The following DMXL2 variants were observed in gnomAD, a reference collection of about 807,000 sequenced individuals.
DMXL2 encodes the protein Dmx like 2, also known as dmX-like protein 2.
DMXL2 carries 103 observed loss-of-function variants against 331.1 expected under a neutral mutation model. The ratio of observed to expected loss-of-function variants is 0.31; its 90% CI spans 0.27 to 0.37. DMXL2 has a LOEUF of 0.37. Ranked by LOEUF, DMXL2 falls within the 10% of genes least tolerant of loss-of-function variation. The probability of loss-of-function intolerance (pLI) is 1.00; values close to 1 mark genes in which losing one functional copy is unlikely to be tolerated. For missense variants in DMXL2, 3,171 were observed against 3,642.9 expected (o/e 0.87, Z 3.33); for synonymous variants, 1,281 against 1,252.1 (o/e 1.02, Z -0.49).
At chr15:51,567,116 C>T (rs7170330) in intron 3 of DMXL2, 71,264 of 148,532 alleles carry the variant, frequency 0.48, 17,339 homozygotes, top group Non-Finnish European at 0.52. Flanking sequence ...AGTCCAGGAT[C>T]ACTGCAACCT....
intron 7 of DMXL2, among the ~76,000 whole-genome samples, chr15:51,546,313 C>CA (rs1299277916): frequency 6.6e-6 from 1 of 151,966 alleles, no homozygotes; most frequent in Non-Finnish European, 1.5e-5. Flanking sequence ...TACAAAGGAA[C>CA]AAAAAAATCA....
intron 1 of DMXL2, among the ~76,000 whole-genome samples, chr15:51,614,953 G>GA (rs1216574830): frequency 6.6e-6 from 1 of 152,178 alleles, no homozygotes; most frequent in Non-Finnish European, 1.5e-5. Context: ...TTATCCAGGG[G>GA]AAAAAAATGA....
At chr15:51,505,679 T>C (rs537425932) in intron 16 of DMXL2, among the ~76,000 whole-genome samples, 1 of 152,348 alleles carries the variant, frequency 6.6e-6, no homozygotes, top group Admixed American at 6.5e-5. Flanking sequence ...GTCACATAAT[T>C]TGGCTTTTCT....
At chr15:51,466,340 A>T (rs2040566668) in intron 29 of DMXL2, 29 bp from the exon 30 acceptor site, 2 of 1,055,982 alleles carry the variant, frequency 1.9e-6, no homozygotes, top group African/African-American at 1.7e-5. Flanking sequence ...TTATTTTTTT[A>T]AAGATTATAA....
At chr15:51,614,471 C>T (rs1456492587) in intron 1 of DMXL2, among the ~76,000 whole-genome samples, 2 of 152,180 alleles carry the variant, frequency 1.3e-5, no homozygotes, top group African/African-American at 4.8e-5. Context: ...CCTGTCAATT[C>T]CTCCTGATAC....
chr15:51,504,031 C>T (rs2043875922), intron 16 of DMXL2, among the ~76,000 whole-genome samples: 1 of 152,006 alleles, frequency 6.6e-6, no homozygotes, highest in Non-Finnish European at 1.5e-5. Context: ...ACCCCTTATA[C>T]AGTCCAGTGC....
intron 6 of DMXL2, among the ~76,000 whole-genome samples, chr15:51,551,198 A>C (rs1388293475): frequency 6.6e-6 from 1 of 152,106 alleles, no homozygotes; most frequent in East Asian, 1.9e-4. Flanking sequence ...ATATTCTCAA[A>C]AATGTGAGAA....
At chr15:51,528,812 C>A (rs1320862489) in intron 13 of DMXL2, among the ~76,000 whole-genome samples, 1 of 151,542 alleles carries the variant, frequency 6.6e-6, no homozygotes, top group African/African-American at 2.4e-5. Context: ...AATATACATT[C>A]TTTTCCTCAG....
Position 51,449,110 on chromosome 15 carries a change from A to T in DMXL2, c.9051T>A (p.Ala3017=). 6.2e-7 allele frequency: 1 copy of T among 1,614,238 alleles called. No individual in the cohort carries two copies. Among genetic ancestry groups the T allele is most frequent in the Non-Finnish European group, 8.5e-7 (1 of 1,180,042 alleles). Residue 3017 remains alanine (A), a synonymous_variant, in exon 44 of 44, where the codon GCT becomes GCA. Transcript: ENST00000560891. ...GGATGATGTCAATCTGCATGACTCCAGCCCCAATGTTTCGAAATATGGACT... is the reference window on the plus strand; with the variant it reads ...GGATGATGTCAATCTGCATGACTCCTGCCCCAATGTTTCGAAATATGGACT... The part of the protein sequence containing the change: ...AKQSIFRNIG[A]GVMQIDIIQG...
Position 51,535,702 on chromosome 15 carries a change from T to G in DMXL2, c.2397A>C (p.Ala799=). 1 of 1,607,566 alleles carries G rather than the reference T, an allele frequency of 6.2e-7. No individual in the cohort carries two copies. The highest frequency in any genetic ancestry group is 1.3e-5 in the African/African-American group (1 of 74,684). Residue 799 remains alanine (A), a synonymous_variant, in exon 13 of 44, where the codon GCA becomes GCC. Coordinates refer to ENST00000560891, the MANE Select transcript of DMXL2 (RefSeq NM_001378457.1). Reference sequence around the variant, plus strand: ...CTGACAATTCATCTAATAATTTCCTTGCATCCACTACAGCTTGATAGAGTC... The same window carrying G: ...CTGACAATTCATCTAATAATTTCCTGGCATCCACTACAGCTTGATAGAGTC... ...NLRLYQAVVD[A]RKLLDELSDP...
intron 17 of DMXL2, among the ~76,000 whole-genome samples, chr15:51,502,560 TGATCCACCC>T (rs2043746189): frequency 6.6e-6 from 1 of 152,096 alleles, no homozygotes; most frequent in Admixed American, 6.6e-5. Context: ...TGACCTCAAG[TGATCCACCC>T]ACCTCAGCCT....
At chr15:51,513,762 G>T (rs2046886077) in intron 15 of DMXL2, among the ~76,000 whole-genome samples, 1 of 151,996 alleles carries the variant, frequency 6.6e-6, no homozygotes, top group Non-Finnish European at 1.5e-5. Context: ...TAAAGACATG[G>T]CTTTTCAAAT....
At position 51,564,277 on chromosome 15, in the gene DMXL2, G is replaced by A; in HGVS notation, c.365-17C>T. ...ATCTATTATCTGAAAATTAAAGAAT[G>A]TTATGATGAATATGCAAATATTATA... On this transcript the variant is annotated splice_polypyrimidine_tract_variant and intron_variant, in intron 4 of 43. Transcript: ENST00000560891. 1 of 1,551,370 alleles carries A rather than the reference G, an allele frequency of 6.4e-7. No homozygotes were observed.
Position 51,536,191 on chromosome 15 carries a change from T to C in DMXL2, c.2289A>G (p.Pro763=). The change falls in exon 12 of 44, where the codon CCA becomes CCG. Residue 763 remains proline, a synonymous_variant. Transcript: ENST00000560891. ...TSAFSNVAWL[P]TLIPSYCLGT... ...CTAGACAGTAACTGGGAATGAGAGT[T>C]GGAAGCCAAGCCACATTAGAGAACG... is the stretch of plus-strand genomic sequence containing the variant. 6.3e-7 allele frequency: 1 copy of C among 1,596,228 alleles called. No homozygotes were observed. Among genetic ancestry groups the C allele is most frequent in the Non-Finnish European group, 8.5e-7 (1 of 1,172,678 alleles).
In DMXL2 at chr15:51,515,402, C is replaced by A. The variant is rs2046979677; in HGVS notation, c.2527-843G>T. On this transcript the variant is annotated intron_variant, in intron 14 of 43. Transcript: ENST00000560891. ...ATCTTATAGAATAAAGGAAAACCTG[C>A]CTCTTTACATAATAGAAAGAAATAA... Among the ~76,000 whole-genome samples the A allele has an allele frequency of 2.0e-5, 3 of 152,006 alleles. No individual in the cohort carries two copies. The South Asian group carries it at 6.2e-4, about 32-fold the overall frequency.
intron 15 of DMXL2, among the ~76,000 whole-genome samples, chr15:51,507,479 C>T (rs1182728858): frequency 6.6e-6 from 1 of 152,022 alleles, no homozygotes; most frequent in Non-Finnish European, 1.5e-5. Flanking sequence ...TGAAAGGATA[C>T]CTACTAGTCA....
chr15:51,524,559 A>C (rs1037845248), intron 13 of DMXL2, among the ~76,000 whole-genome samples: 1 of 152,220 alleles, frequency 6.6e-6, no homozygotes, highest in Admixed American at 6.5e-5. Flanking sequence ...ACACCCTGGC[A>C]GCAGCAGCGT....
At chr15:51,464,947 C>A in intron 31 of DMXL2, 71 bp from the exon 32 acceptor site, 1 of 1,317,674 alleles carries the variant, frequency 7.6e-7, no homozygotes, top group Non-Finnish European at 1.1e-6. Flanking sequence ...TTTATAGAAT[C>A]TGAATTCTCA....
In DMXL2 at chr15:51,457,331, A is replaced by C. The variant is rs1161017598; in HGVS notation, c.8334T>G (p.Ser2778Arg). 3.7e-6 allele frequency: 6 copies of C among 1,613,344 alleles called. No individual in the cohort carries two copies. In the East Asian group the frequency reaches 1.3e-4, roughly 36 times the overall value. ...LGTGQTSTGA[S>R]VLMKRNLHNV... is the part of the protein sequence containing the mutation. ...TACCTATAAGTAAATAACATACCAC[A>C]CTAGCTCCAGTGCTAGTCTGTCCAG... Residue 2778 changes from serine (S) to arginine (R), a missense_variant, in exon 37 of 44, where the codon AGT (serine) becomes AGG (arginine). Around this residue, in one of 7 missense-constraint regions of DMXL2, gnomAD observed 766 missense variants for 940.5 expected, o/e 0.81. Transcript: ENST00000560891.
Sources: gnomAD v4.1 joint callset for allele counts (sites outside exome capture counted in the v4.1 genomes callset) on GRCh38, gnomAD v4.1.1 for gene constraint, gnomAD v4.1.1 regional missense constraint, MANE v1.5 for transcripts, NCBI Gene and HGNC (gene_info 2026-07-23, HGNC 2026-07-21) for gene names.